CCDC149: variants seen among roughly 807,000 people sequenced by gnomAD.
CCDC149 encodes the protein coiled-coil domain-containing protein 149.
A neutral mutation model predicts 59.9 loss-of-function variants in CCDC149; 45 were observed. The ratio of observed to expected loss-of-function variants is 0.75; its 90% confidence interval spans 0.59 to 0.96. CCDC149 has a LOEUF of 0.96. Ranked by LOEUF, CCDC149 falls within the 40% of genes least tolerant of loss-of-function variation. CCDC149 has a pLI of 0.00. For synonymous variants in CCDC149, 245 were observed against 260.6 expected (o/e 0.94, Z 0.58); for missense variants, 584 against 664.7 (o/e 0.88, Z 1.33).
intron 2 of CCDC149, among the ~76,000 whole-genome samples, chr4:24,874,252 TTTTTTTTGTTTTGTTTTTTTTTG>T (rs1172581454): frequency 1.0e-4 from 7 of 70,114 alleles, no homozygotes; most frequent in African/African-American, 4.5e-4. Flanking sequence ...TTGTTTTTTT[TTTTTTTTGTTTTGTTTTTTTTTG>T]TTTTTTTGCC....
chr4:24,816,475 G>A (rs800452), intron 12 of CCDC149, among the ~76,000 whole-genome samples: 83,593 of 151,846 alleles, frequency 0.55, 23,549 homozygotes, highest in Non-Finnish European at 0.62. Context: ...TGTCACAAGC[G>A]TTGAGCTATC....
At chr4:24,961,162 G>T (rs1362828679) in intron 1 of CCDC149, among the ~76,000 whole-genome samples, 1 of 152,212 alleles carries the variant, frequency 6.6e-6, no homozygotes, top group East Asian at 1.9e-4. Flanking sequence ...TTCATTGGAA[G>T]ATGCTGAAGG....
chr4:24,856,393 C>T (rs1188648259), intron 3 of CCDC149, among the ~76,000 whole-genome samples: 5 of 152,106 alleles, frequency 3.3e-5, no homozygotes, highest in Non-Finnish European at 7.3e-5. Context: ...ATAATGAATC[C>T]GTGTGCTAGA....
At chr4:24,851,303 T>A (rs1431888414) in intron 4 of CCDC149, among the ~76,000 whole-genome samples, 3 of 152,210 alleles carry the variant, frequency 2.0e-5, no homozygotes, top group Admixed American at 2.0e-4. Context: ...CATTCTGTCA[T>A]CCATGCTAGA....
At chr4:24,913,856 A>C (rs1722036305), upstream of CCDC149, among the ~76,000 whole-genome samples, 1 of 152,256 alleles carries the variant, frequency 6.6e-6, no homozygotes, top group Non-Finnish European at 1.5e-5. Flanking sequence ...GAAAGACTGA[A>C]AGAGAATGAC....
intron 9 of CCDC149, among the ~76,000 whole-genome samples, chr4:24,825,941 G>C (rs112905615): frequency 6.6e-6 from 1 of 151,730 alleles, no homozygotes; most frequent in Non-Finnish European, 1.5e-5. Context: ...AGAGTGAAGA[G>C]GTTTTTTGTT....
chr4:24,812,145 A>T lies in CCDC149; in HGVS notation c.1193-3326T>A, dbSNP rs77701404. Among the ~76,000 whole-genome samples, 1,261 of 152,276 alleles carry T rather than the reference A, an allele frequency of 8.3e-3. 25 individuals carry two copies. Among genetic ancestry groups the T allele is most frequent in the African/African-American group, 0.029 (1,210 of 41,536 alleles). On this transcript the variant is annotated intron_variant, in intron 12 of 12. Transcript: ENST00000635206. ...TCCAGGATAATCTCCTAATCTCAAGATCCATAAATCAATCATATCGGCAAA... is the reference window on the plus strand; with the variant it reads ...TCCAGGATAATCTCCTAATCTCAAGTTCCATAAATCAATCATATCGGCAAA...
At chr4:24,830,660 C>T (rs953975548) in intron 9 of CCDC149, 1 of 152,262 alleles carries the variant, frequency 6.6e-6, no homozygotes, top group African/African-American at 2.4e-5. Flanking sequence ...TCAGTTCTCT[C>T]ACACTTGCAT....
chr4:24,839,424 C>T (rs187584576), intron 4 of CCDC149, among the ~76,000 whole-genome samples: 57 of 152,328 alleles, frequency 3.7e-4, no homozygotes, highest in Admixed American at 1.3e-3. Context: ...TGTGATCCGC[C>T]TGCCTCAGCC....
At chr4:24,890,923 A>G (rs1410966804) in intron 1 of CCDC149, among the ~76,000 whole-genome samples, 1 of 152,192 alleles carries the variant, frequency 6.6e-6, no homozygotes, top group Non-Finnish European at 1.5e-5. Flanking sequence ...CATGATCAAC[A>G]CAGTCTTTCT....
At chr4:24,847,134 G>C (rs1221327999) in intron 4 of CCDC149, among the ~76,000 whole-genome samples, 1 of 152,172 alleles carries the variant, frequency 6.6e-6, no homozygotes, top group African/African-American at 2.4e-5. Flanking sequence ...TGTCTCACCA[G>C]GATCATTGTC....
At chr4:24,861,855 G>A (rs1157689421) in intron 3 of CCDC149, among the ~76,000 whole-genome samples, 1 of 152,106 alleles carries the variant, frequency 6.6e-6, no homozygotes, top group Non-Finnish European at 1.5e-5. Context: ...GACATGAAGG[G>A]AATCAGGATA....
chr4:24,804,621 AAG>A (rs1560191981), downstream of CCDC149, among the ~76,000 whole-genome samples: 2 of 152,228 alleles, frequency 1.3e-5, no homozygotes, highest in Non-Finnish European at 2.9e-5. Flanking sequence ...TGTAATTTTA[AAG>A]AGACAGAGAA....
chr4:24,895,097 A>G (rs555072331), intron 1 of CCDC149: 1 of 1,191,570 alleles, frequency 8.4e-7, no homozygotes, highest in South Asian at 1.3e-5. Flanking sequence ...ACTATCCACT[A>G]CTTATGAATA....
intron 2 of CCDC149, among the ~76,000 whole-genome samples, chr4:24,874,240 A>ATTTTTT (rs1560230340): frequency 2.3e-5 from 2 of 85,688 alleles, no homozygotes; most frequent in African/African-American, 1.2e-4. Context: ...GTCCTATTAG[A>ATTTTTT]TTTGTTTTTT....
At chr4:24,820,729 G>A (rs1715337953) in intron 11 of CCDC149, among the ~76,000 whole-genome samples, 1 of 151,974 alleles carries the variant, frequency 6.6e-6, no homozygotes, top group African/African-American at 2.4e-5. Context: ...ATCACTGCAG[G>A]AGGTCAGTGC....
intron 1 of CCDC149, among the ~76,000 whole-genome samples, chr4:24,968,003 C>G (rs1723847822): frequency 2.0e-5 from 3 of 152,152 alleles, no homozygotes. Context: ...CCATTTAGCC[C>G]AGATGATAAA....
intron 4 of CCDC149, among the ~76,000 whole-genome samples, chr4:24,840,271 G>C (rs545710351): frequency 4.6e-4 from 70 of 152,298 alleles, no homozygotes; most frequent in African/African-American, 1.6e-3. Context: ...AGTGTCCCAG[G>C]CAGGTGGAAC....
chr4:24,953,391 T>A (rs768775737), intron 1 of CCDC149, among the ~76,000 whole-genome samples: 1 of 152,178 alleles, frequency 6.6e-6, no homozygotes, highest in Non-Finnish European at 1.5e-5. Context: ...TTCATTTTTG[T>A]CTTTTCTGCC....
Sources: gnomAD v4.1 joint callset for allele counts (sites outside exome capture counted in the v4.1 genomes callset) on GRCh38, gnomAD v4.1.1 for gene constraint, MANE v1.5 for transcripts, NCBI Gene and HGNC (gene_info 2026-07-23, HGNC 2026-07-21) for gene names.